NTM: variants seen among roughly 807,000 people sequenced by gnomAD.
NTM encodes the protein neurotrimin, also known as IgLON family member 2.
Under a neutral mutation model 42.1 loss-of-function variants are expected in NTM, and 13 were observed. That is an observed-to-expected ratio of 0.31 (90% CI 0.20 to 0.49). The LOEUF is 0.49. Among genes scored for constraint, NTM ranks in the 20% least tolerant of loss-of-function variants. NTM has a pLI of 0.99. For missense variants in NTM, 373 were observed against 452.8 expected, an observed-to-expected ratio of 0.82 and a Z score of 1.60; for synonymous variants, 187 against 179.2, an observed-to-expected ratio of 1.04 and a Z score of -0.35.
chr11:132,238,964 A>G (rs970926445), intron 4 of NTM, among the ~76,000 whole-genome samples: 1 of 152,224 alleles, frequency 6.6e-6, no homozygotes, highest in Non-Finnish European at 1.5e-5. Context: ...CTAATAAAAC[A>G]GCAGCATAGC....
chr11:132,326,860 C>T (rs2095693733), intron 7 of NTM, among the ~76,000 whole-genome samples: 1 of 152,166 alleles, frequency 6.6e-6, no homozygotes, highest in Non-Finnish European at 1.5e-5. Context: ...AAATACGCTC[C>T]AAGTTATACT....
chr11:132,194,998 C>A (rs2079947021), intron 3 of NTM, among the ~76,000 whole-genome samples: 1 of 151,418 alleles, frequency 6.6e-6, no homozygotes, highest in South Asian at 2.1e-4. Flanking sequence ...AGTTTTTGTT[C>A]TTTTAGTAGA....
rs76027987 is a variant in NTM, at chr11:131,748,730, G to A, written c.83-162834G>A. Reference sequence around the variant, plus strand: ...ATTCTTTTAATTTATTTAATCCGATGTGCTTTTTCAGAATGGCTCTCCTCT... The same window carrying A: ...ATTCTTTTAATTTATTTAATCCGATATGCTTTTTCAGAATGGCTCTCCTCT... On this transcript the variant is annotated intron_variant, in intron 1 of 8. Transcript: ENST00000683400. 7.9e-3 allele frequency among the ~76,000 whole-genome samples: 1,198 copies of A among 152,318 alleles called. 28 individuals are homozygous for A. Among genetic ancestry groups the A allele is most frequent in the Non-Finnish European group, 6.0e-3 (407 of 68,040 alleles).
chr11:131,895,768 T>A (rs1280844268), intron 1 of NTM, among the ~76,000 whole-genome samples: 2 of 152,050 alleles, frequency 1.3e-5, no homozygotes, highest in Non-Finnish European at 2.9e-5. Flanking sequence ...ATGGGAAGCA[T>A]TGGTTAAACT....
intron 2 of NTM, among the ~76,000 whole-genome samples, chr11:132,072,153 G>T (rs935678997): frequency 3.9e-5 from 6 of 152,158 alleles, no homozygotes; most frequent in Admixed American, 3.9e-4. Context: ...GCCAACCCCA[G>T]CCCTTCCCCT....
chr11:131,370,844 C>G lies in NTM; in HGVS notation c.38C>G (p.Ser13Cys). ...TIQPKMHNSISWAIFTGLAAL... is the reference protein window; with the variant it reads ...TIQPKMHNSICWAIFTGLAAL... ...CAGCCAAAAATGCACAATTCTATCT[C>G]TTGGGCAATCTTCACGGGGCTGGCT... The change falls in exon 1 of 9, where the codon TCT (serine) becomes TGT (cysteine). Residue 13 changes from serine (S) to cysteine (C), a missense_variant. Around this residue, in one of 3 missense-constraint regions of NTM, gnomAD observed 29 missense variants for 30.4 expected, o/e 0.95. Coordinates refer to ENST00000683400, the MANE Select transcript of NTM (RefSeq NM_001352005.2). 1.2e-6 allele frequency: 2 copies of G among 1,614,152 alleles called. No homozygotes were observed. Among genetic ancestry groups the G allele is most frequent in the Non-Finnish European group, 1.7e-6 (2 of 1,180,002 alleles).
chr11:131,817,330 G>A (rs533364147), intron 1 of NTM, among the ~76,000 whole-genome samples: 1 of 152,310 alleles, frequency 6.6e-6, no homozygotes, highest in African/African-American at 2.4e-5. Context: ...GACTAACAAT[G>A]ATTTCACATA....
chr11:131,707,021 C>T (rs773455042), intron 1 of NTM, among the ~76,000 whole-genome samples: 40 of 151,808 alleles, frequency 2.6e-4, no homozygotes, highest in South Asian at 8.3e-4. Flanking sequence ...TTAATAACTT[C>T]AAAATATACA....
chr11:132,327,678 A>G (rs1022663830), intron 7 of NTM, among the ~76,000 whole-genome samples: 12 of 152,224 alleles, frequency 7.9e-5, no homozygotes, highest in African/African-American at 2.9e-4. Context: ...GCTGGCAAAA[A>G]TATAACTTTC....
chr11:131,618,558 G>A (rs543890964), intron 1 of NTM, among the ~76,000 whole-genome samples: 2 of 152,190 alleles, frequency 1.3e-5, no homozygotes, highest in South Asian at 2.1e-4. Context: ...TGGGAGCAGC[G>A]TTTTAAGTTC....
chr11:131,842,826 C>A (rs148638830), intron 1 of NTM, among the ~76,000 whole-genome samples: 143 of 152,166 alleles, frequency 9.4e-4, no homozygotes, highest in Admixed American at 4.7e-3. Context: ...GCCTGGCCAA[C>A]ATGGTGAAAC....
intron 1 of NTM, among the ~76,000 whole-genome samples, chr11:131,605,178 T>A (rs137965334): frequency 6.6e-6 from 1 of 152,314 alleles, no homozygotes; most frequent in African/African-American, 2.4e-5. Context: ...ACTCTTCCAA[T>A]CTATGTTCAC....
intron 4 of NTM, among the ~76,000 whole-genome samples, chr11:132,250,629 A>T (rs534065705): frequency 6.6e-6 from 1 of 151,942 alleles, no homozygotes; most frequent in Non-Finnish European, 1.5e-5. Context: ...CTTACAGTTA[A>T]TTGATTCTCT....
At chr11:131,544,470 T>C (rs1565622269) in intron 1 of NTM, among the ~76,000 whole-genome samples, 2 of 152,282 alleles carry the variant, frequency 1.3e-5, no homozygotes, top group East Asian at 3.9e-4. Flanking sequence ...TGTGAATCCT[T>C]TATTCCCCAT....
intron 1 of NTM, among the ~76,000 whole-genome samples, chr11:131,873,682 CATATATATACACACATAT>C (rs1489009196): frequency 1.8e-5 from 2 of 110,318 alleles, no homozygotes; most frequent in Non-Finnish European, 4.0e-5. Context: ...TATATACACA[CATATATATACACACATAT>C]ATATATATAC....
chr11:132,109,728 C>T (rs1279622103), intron 2 of NTM, among the ~76,000 whole-genome samples: 1 of 152,158 alleles, frequency 6.6e-6, no homozygotes, highest in African/African-American at 2.4e-5. Context: ...TCTCCTCTCT[C>T]AGCACACTGA....
chr11:131,740,341 C>G (rs2081028230), intron 1 of NTM, among the ~76,000 whole-genome samples: 1 of 152,134 alleles, frequency 6.6e-6, no homozygotes, highest in African/African-American at 2.4e-5. Flanking sequence ...CATAAGGAGT[C>G]TAAGGTGCAC....
chr11:132,204,175 T>C (rs2081592939), intron 3 of NTM, among the ~76,000 whole-genome samples: 1 of 152,002 alleles, frequency 6.6e-6, no homozygotes, highest in African/African-American at 2.4e-5. Context: ...CAGTGAAAAA[T>C]AAAATAAAGG....
chr11:131,945,265 T>A (rs1420200217), intron 2 of NTM, among the ~76,000 whole-genome samples: 1 of 152,230 alleles, frequency 6.6e-6, no homozygotes, highest in Non-Finnish European at 1.5e-5. Context: ...GCAAGAGGTC[T>A]GCTGTAGCAC....
Sources: gnomAD v4.1 joint callset for allele counts (sites outside exome capture counted in the v4.1 genomes callset) on GRCh38, gnomAD v4.1.1 for gene constraint, gnomAD v4.1.1 regional missense constraint, MANE v1.5 for transcripts, NCBI Gene and HGNC (gene_info 2026-07-23, HGNC 2026-07-21) for gene names.